The following HTR1F variants were observed in gnomAD, a reference collection of about 807,000 sequenced individuals.
HTR1F encodes the protein 5-hydroxytryptamine (serotonin) receptor 1F, G protein-coupled.
In HTR1F, 17 loss-of-function variants were observed where a neutral mutation model predicts 24.0. The ratio of observed to expected loss-of-function variants is 0.71; its 90% confidence interval spans 0.48 to 1.06. The LOEUF (loss-of-function observed/expected upper bound fraction) is 1.06, where lower values mean the gene tolerates loss of function less well. HTR1F is among the 50% of genes least tolerant of loss of function. The probability of loss-of-function intolerance (pLI) is 0.00; values close to 1 mark genes in which losing one functional copy is unlikely to be tolerated. For missense variants in HTR1F, 391 were observed against 427.8 expected, an observed-to-expected ratio of 0.91 and a Z score of 0.76; for synonymous variants, 186 against 156.8, an observed-to-expected ratio of 1.19 and a Z score of -1.39.
intron 2 of HTR1F, among the ~76,000 whole-genome samples, chr3:87,877,746 T>C (rs1235147953): frequency 1.3e-5 from 2 of 152,184 alleles, no homozygotes; most frequent in Admixed American, 1.3e-4. Flanking sequence ...TGTACTATAC[T>C]GTACATGGAG....
intron 1 of HTR1F, among the ~76,000 whole-genome samples, chr3:87,819,761 TA>T (rs1203939355): frequency 6.6e-6 from 1 of 151,984 alleles, no homozygotes. Context: ...AAAAGAATAT[TA>T]GCTAATAGGG....
At chr3:87,967,395 A>G (rs1705188776) in intron 2 of HTR1F, among the ~76,000 whole-genome samples, 1 of 151,982 alleles carries the variant, frequency 6.6e-6, no homozygotes, top group African/African-American at 2.4e-5. Flanking sequence ...GGTTACAATG[A>G]GCTGAGATTG....
chr3:87,891,866 A>G (rs1270005594), intron 2 of HTR1F, among the ~76,000 whole-genome samples: 2 of 152,200 alleles, frequency 1.3e-5, no homozygotes, highest in Admixed American at 1.3e-4. Context: ...CATTAACTTT[A>G]TAATCACCAC....
intron 2 of HTR1F, among the ~76,000 whole-genome samples, chr3:87,857,941 T>A (rs1705231300): frequency 6.6e-6 from 1 of 152,212 alleles, no homozygotes; most frequent in Non-Finnish European, 1.5e-5. Flanking sequence ...TTTTTATTTT[T>A]CAACTAAATT....
intron 2 of HTR1F, among the ~76,000 whole-genome samples, chr3:87,955,674 A>T (rs1174816061): frequency 6.6e-6 from 1 of 151,410 alleles, no homozygotes; most frequent in Non-Finnish European, 1.5e-5. Flanking sequence ...ATGCATGAAG[A>T]TTCTGTATGC....
At chr3:87,882,915 A>C (rs866600313) in intron 2 of HTR1F, among the ~76,000 whole-genome samples, 2 of 152,204 alleles carry the variant, frequency 1.3e-5, no homozygotes, top group Non-Finnish European at 2.9e-5. Flanking sequence ...GCAGACTTAA[A>C]TGTCCCTGTC....
chr3:87,805,163 A>G (rs1704052954), intron 1 of HTR1F, among the ~76,000 whole-genome samples: 1 of 151,394 alleles, frequency 6.6e-6, no homozygotes, highest in Non-Finnish European at 1.5e-5. Context: ...GCTTTTAGTT[A>G]TTATAAATTT....
chr3:87,833,083 G>A (rs916423884), intron 2 of HTR1F, among the ~76,000 whole-genome samples: 4 of 152,096 alleles, frequency 2.6e-5, no homozygotes, highest in African/African-American at 9.7e-5. Flanking sequence ...CTCTTGTTTA[G>A]AATTTTTAAG....
chr3:87,981,086 CCAGCCTTCACCTCACCTGCCA>C (rs1225067569), intron 2 of HTR1F, among the ~76,000 whole-genome samples: 1 of 152,188 alleles, frequency 6.6e-6, no homozygotes, highest in Non-Finnish European at 1.5e-5. Flanking sequence ...AGTGCACAGC[CCAGCCTTCACCTCACCTGCCA>C]CAGCTGGTCT....
intron 1 of HTR1F, among the ~76,000 whole-genome samples, 114 bp from the exon 2 acceptor site, chr3:87,821,893 GA>G (rs753174865): frequency 1.3e-5 from 2 of 152,174 alleles, no homozygotes; most frequent in Non-Finnish European, 2.9e-5. Flanking sequence ...AGTGGTCAGA[GA>G]GGGGGAAAGA....
chr3:87,965,586 A>C (rs1481915639), intron 2 of HTR1F, among the ~76,000 whole-genome samples: 1 of 152,162 alleles, frequency 6.6e-6, no homozygotes, highest in Non-Finnish European at 1.5e-5. Flanking sequence ...TCTTAAAAAT[A>C]AAGTCAATAG....
chr3:87,907,313 C>T (rs552283230), intron 2 of HTR1F, among the ~76,000 whole-genome samples: 52 of 151,240 alleles, frequency 3.4e-4, no homozygotes, highest in African/African-American at 1.2e-3. Context: ...GTTCATTGGC[C>T]ATTTGTATAT....
At chr3:87,801,954 A>C (rs921344006) in intron 1 of HTR1F, among the ~76,000 whole-genome samples, 5 of 152,082 alleles carry the variant, frequency 3.3e-5, no homozygotes, top group African/African-American at 1.2e-4. Flanking sequence ...GATATTTAGA[A>C]AAATATATAA....
intron 2 of HTR1F, among the ~76,000 whole-genome samples, chr3:87,899,806 T>C (rs745921596): frequency 4.6e-5 from 7 of 152,166 alleles, no homozygotes; most frequent in Admixed American, 1.3e-4. Flanking sequence ...GAGGTTGCAG[T>C]GAGCCAAGAT....
intron 1 of HTR1F, among the ~76,000 whole-genome samples, chr3:87,815,471 A>T (rs1178049774): frequency 6.6e-6 from 1 of 152,122 alleles, no homozygotes; most frequent in Non-Finnish European, 1.5e-5. Flanking sequence ...TGTAATTACC[A>T]TATTTGAAGA....
At position 87,878,948 on chromosome 3, in the gene HTR1F, T is replaced by A. The variant is rs1228728770; in HGVS notation, c.-43+56824T>A. 1.8e-4 allele frequency among the ~76,000 whole-genome samples: 28 copies of A among 152,304 alleles called. No homozygotes were observed. The East Asian group carries it at 5.4e-3, about 29-fold the overall frequency. On this transcript the variant is annotated intron_variant, in intron 2 of 2. Transcript: ENST00000319595. Reference sequence around the variant, plus strand: ...TCTTTTCATCTTTCAGCAGAAATTATGTAATTAACACCTAAATAACTGTTA... The same window carrying A: ...TCTTTTCATCTTTCAGCAGAAATTAAGTAATTAACACCTAAATAACTGTTA...
At chr3:87,911,249 TC>T (rs2107350679) in intron 2 of HTR1F, among the ~76,000 whole-genome samples, 1 of 151,512 alleles carries the variant, frequency 6.6e-6, no homozygotes, top group South Asian at 2.1e-4. Flanking sequence ...AAAGAGAAGA[TC>T]CAAATAAACA....
chr3:87,974,840 CATTG>C (rs768321547), intron 2 of HTR1F, among the ~76,000 whole-genome samples: 22 of 152,072 alleles, frequency 1.4e-4, no homozygotes, highest in Non-Finnish European at 2.8e-4. Context: ...GCTTAATAAA[CATTG>C]ATTGATTGAT....
chr3:87,878,565 A>G (rs1296908859), intron 2 of HTR1F, among the ~76,000 whole-genome samples: 1 of 152,116 alleles, frequency 6.6e-6, no homozygotes, highest in Admixed American at 6.6e-5. Flanking sequence ...AAAAATGCCC[A>G]TCGTATCTCT....
Sources: allele counts gnomAD v4.1 joint callset (sites outside exome capture counted in the v4.1 genomes callset), GRCh38; gene constraint gnomAD v4.1.1; transcripts MANE v1.5; gene names NCBI Gene and HGNC (gene_info 2026-07-23, HGNC 2026-07-21).